Variants in DOP1B observed in about 807,000 individuals in gnomAD.
DOP1B encodes the protein DOP1 leucine zipper like protein B.
A neutral mutation model predicts 233.5 loss-of-function variants in DOP1B; 174 were observed. The ratio of observed to expected loss-of-function variants is 0.75; its 90% CI spans 0.66 to 0.85. DOP1B has a LOEUF of 0.85. Ranked by LOEUF, DOP1B falls within the 40% of genes least tolerant of loss-of-function variation. The pLI is 0.00. For missense variants in DOP1B, 2,652 were observed against 2,846.6 expected (o/e 0.93, Z 1.56); for synonymous variants, 1,190 against 1,185.6 (o/e 1.00, Z -0.08).
Position 36,223,226 on chromosome 21 carries a change from T to C in DOP1B, c.1251-5T>C. The stretch of plus-strand genomic sequence containing the variant: ...CATATTTATTCATGTCCTCCCCTTT[T>C]ACAGTGCAATCAAGGAAAACAGAAA... On this transcript the variant is annotated splice_region_variant and splice_polypyrimidine_tract_variant and intron_variant, in intron 10 of 36. Transcript: ENST00000691173. 1 of 1,591,136 alleles carries C rather than the reference T, an allele frequency of 6.3e-7. No individual in the cohort carries two copies. The highest frequency in any genetic ancestry group is 8.5e-7 in the Non-Finnish European group (1 of 1,173,502).
intron 1 of DOP1B, among the ~76,000 whole-genome samples, chr21:36,157,527 AC>A (rs2065830780): frequency 6.6e-6 from 1 of 152,102 alleles, no homozygotes; most frequent in Non-Finnish European, 1.5e-5. Context: ...GGGGACTGTT[AC>A]CCGCAGTGTT....
chr21:36,190,622 T>C (rs543744190), intron 2 of DOP1B, among the ~76,000 whole-genome samples: 81 of 152,262 alleles, frequency 5.3e-4, no homozygotes, highest in Non-Finnish European at 9.7e-4. Flanking sequence ...GATATCAAAC[T>C]CCTGACCTCA....
rs755210078 is a variant in DOP1B at position 36,237,304 on chromosome 21, C to G, written c.2665C>G (p.Arg889Gly). Residue 889 changes from arginine to glycine, a missense_variant, in exon 16 of 37, where the codon CGG becomes GGG. Around this residue, in one of 3 missense-constraint regions of DOP1B, gnomAD observed 2,617 missense variants for 2,794.3 expected, o/e 0.94. Coordinates refer to ENST00000691173, the MANE Select transcript of DOP1B (RefSeq NM_001320714.2). ...VLWNQLNKET[R>G]EHHVTCVELF... ...TTGGAATCAGCTGAACAAAGAGACC[C>G]GGGAGCATCACGTCACCTGCGTAGA... 1.2e-6 allele frequency: 2 copies of G among 1,614,040 alleles called. No homozygotes were observed. Among genetic ancestry groups the G allele is most frequent in the Non-Finnish European group, 8.5e-7 (1 of 1,180,044 alleles).
At chr21:36,293,048 A>C (rs747983361) in intron 36 of DOP1B, among the ~76,000 whole-genome samples, 1 of 152,068 alleles carries the variant, frequency 6.6e-6, no homozygotes, top group South Asian at 2.1e-4. Context: ...CTCTACAAAA[A>C]TACAAAAATT....
At chr21:36,208,608 G>C (rs2066456004) in intron 4 of DOP1B, 107 bp from the exon 5 acceptor site, 8 of 1,243,668 alleles carry the variant, frequency 6.4e-6, no homozygotes, top group Non-Finnish European at 8.8e-6. Flanking sequence ...GGCTTCCCCA[G>C]CCAGGCGAAT....
chr21:36,239,996 G>T (rs1486779704), intron 18 of DOP1B, 41 bp downstream of exon 18: 1 of 1,569,538 alleles, frequency 6.4e-7, no homozygotes, highest in Admixed American at 1.8e-5. Context: ...GGGAGGAATG[G>T]GTGGGGGGAC....
At position 36,228,872 on chromosome 21, in the gene DOP1B, G is replaced by C. The variant is rs117832543; in HGVS notation, c.1665+995G>C. On this transcript the variant is annotated intron_variant, in intron 13 of 36. Coordinates refer to ENST00000691173, the MANE Select transcript of DOP1B (RefSeq NM_001320714.2). ...TGTAGTTCCATCTACTCAGGAGGCT[G>C]AGGTGGGAGGATCGCTTGAGCCCAA... is the stretch of plus-strand genomic sequence containing the variant. Among the ~76,000 whole-genome samples the C allele has an allele frequency of 5.3e-4, 81 of 152,338 alleles. 1 individual carries two copies. The East Asian group carries it at 0.015, about 28-fold the overall frequency.
In DOP1B at chr21:36,199,080, G is replaced by A. The variant is rs1240518469; in HGVS notation, c.149G>A (p.Ser50Asn). The A allele has an allele frequency of 3.1e-6, 5 of 1,609,104 alleles. No individual in the cohort carries two copies. Among genetic ancestry groups the A allele is most frequent in the Non-Finnish European group, 4.2e-6 (5 of 1,178,620 alleles). The part of the protein sequence containing the change: ...SLGKLNKALQ[S>N]NLRYSLLPRR... ...TGTCTTGTTTGACAGGCTCTTCAGAGTAACCTGAGGTACTCCTTGTTGCCA... is the reference window on the plus strand; with the variant it reads ...TGTCTTGTTTGACAGGCTCTTCAGAATAACCTGAGGTACTCCTTGTTGCCA... Residue 50 changes from serine (S) to asparagine (N), a missense_variant, in exon 3 of 37, where the codon AGT (serine) becomes AAT (asparagine). Physicochemically the swap from Ser to Asn is conservative, Grantham distance 46. Around this residue, in one of 3 missense-constraint regions of DOP1B, gnomAD observed 2,617 missense variants for 2,794.3 expected, o/e 0.94. Transcript: ENST00000691173.
rs1364315383 is a variant in DOP1B at position 36,208,740 on chromosome 21, T to A, written c.517T>A (p.Ser173Thr). Residue 173 changes from serine to threonine, a missense_variant, in exon 5 of 37, where the codon TCG becomes ACG. Ser to Thr is a moderately conservative substitution (Grantham distance 58, BLOSUM62 1). This residue lies in a region of DOP1B where 2,617 missense variants were observed against 2,794.3 expected (regional missense o/e 0.94). Transcript: ENST00000691173. Reference sequence around the variant, plus strand: ...AACGGATGCTCTGCTCCTGAGACTGTCGCTGGTGGTTGGCAAAGAGGTGTT... The same window carrying A: ...AACGGATGCTCTGCTCCTGAGACTGACGCTGGTGGTTGGCAAAGAGGTGTT... ...DRTDALLLRL[S>T]LVVGKEVFYT... 4.3e-6 allele frequency: 7 copies of A among 1,613,524 alleles called. No homozygotes were observed. Among genetic ancestry groups the A allele is most frequent in the Non-Finnish European group, 5.9e-6 (7 of 1,179,812 alleles).
rs535321678 is a variant in DOP1B, at chr21:36,273,016, C to A, written c.5632+2859C>A. Among the ~76,000 whole-genome samples, 330 of 146,846 alleles carry A rather than the reference C, an allele frequency of 2.2e-3. 1 individual carries two copies. Among genetic ancestry groups the A allele is most frequent in the African/African-American group, 7.7e-3 (310 of 40,172 alleles). The stretch of plus-strand genomic sequence containing the variant: ...AAAAAAAAAAAAAAAAAGACCCCAT[C>A]TCTACAAAAGGGGAGGCAGAGGTTG... On this transcript the variant is annotated intron_variant, in intron 27 of 36. Transcript: ENST00000691173.
In DOP1B at chr21:36,200,314, C is replaced by T; in HGVS notation, c.321-17C>T. ...GTATCTTATTTCTGCCCCGCTCCCTCTCGTTCTTTCTCGAAGCTGCGGGTT... is the reference window on the plus strand; with the variant it reads ...GTATCTTATTTCTGCCCCGCTCCCTTTCGTTCTTTCTCGAAGCTGCGGGTT... On this transcript the variant is annotated splice_polypyrimidine_tract_variant and intron_variant, in intron 3 of 36. Coordinates refer to ENST00000691173, the MANE Select transcript of DOP1B (RefSeq NM_001320714.2). The T allele has an allele frequency of 6.4e-7, 1 of 1,573,884 alleles. No homozygotes were observed. Among genetic ancestry groups the T allele is most frequent in the Non-Finnish European group, 8.6e-7 (1 of 1,159,072 alleles).
Position 36,247,955 on chromosome 21 carries a change from A to G in DOP1B, c.4809+327A>G, listed in dbSNP as rs551646700. 1.1e-4 allele frequency among the ~76,000 whole-genome samples: 16 copies of G among 152,350 alleles called. No homozygotes were observed. In the South Asian group the frequency reaches 3.1e-3, roughly 30 times the overall value. On this transcript the variant is annotated intron_variant, in intron 20 of 36. Transcript: ENST00000691173. ...GTGCCAGCCCTTTGCCCATTGTTCCATCAGTAGCCTGTGAGATAACTTATA... is the reference window on the plus strand; with the variant it reads ...GTGCCAGCCCTTTGCCCATTGTTCCGTCAGTAGCCTGTGAGATAACTTATA...
At chr21:36,173,054 A>G (rs1482129663) in intron 2 of DOP1B, among the ~76,000 whole-genome samples, 1 of 151,866 alleles carries the variant, frequency 6.6e-6, no homozygotes, top group Non-Finnish European at 1.5e-5. Context: ...TGGGAGGCAG[A>G]GGTTGCAGTG....
At chr21:36,260,907 A>G in intron 24 of DOP1B, 175 bp downstream of exon 24, 2 of 1,427,694 alleles carry the variant, frequency 1.4e-6, no homozygotes, top group South Asian at 1.6e-5. Context: ...TTCCTTCTCC[A>G]GAGAGTTAAC....
chr21:36,234,689 C>T (rs868775453), intron 15 of DOP1B, among the ~76,000 whole-genome samples: 2 of 151,876 alleles, frequency 1.3e-5, no homozygotes, highest in African/African-American at 2.4e-5. Context: ...TACAGATGTG[C>T]GCCCTCACAC....
At chr21:36,264,933 G>A (rs1033438513) in intron 26 of DOP1B, among the ~76,000 whole-genome samples, 1 of 152,196 alleles carries the variant, frequency 6.6e-6, no homozygotes, top group Non-Finnish European at 1.5e-5. Flanking sequence ...TGATGAAGTT[G>A]GAAAAATCAC....
In DOP1B at chr21:36,288,011, T is replaced by G; in HGVS notation, c.6161-3T>G. 1 of 1,611,824 alleles carries G rather than the reference T, an allele frequency of 6.2e-7. No homozygotes were observed. The highest frequency in any genetic ancestry group is 8.5e-7 in the Non-Finnish European group (1 of 1,179,514). The stretch of plus-strand genomic sequence containing the variant: ...TAACATCTTTACAATCTTCTTTCCT[T>G]AGAACGCCTGACAGACAATCTCAGA... On this transcript the variant is annotated splice_region_variant and splice_polypyrimidine_tract_variant and intron_variant, in intron 32 of 36. Transcript: ENST00000691173.
chr21:36,274,081 G>A (rs2067323384), intron 27 of DOP1B, among the ~76,000 whole-genome samples: 1 of 152,036 alleles, frequency 6.6e-6, no homozygotes, highest in Non-Finnish European at 1.5e-5. Flanking sequence ...CTCAAAAAAA[G>A]AAAGAAAGCA....
intron 1 of DOP1B, among the ~76,000 whole-genome samples, chr21:36,158,815 A>AG (rs1555884747): frequency 5.0e-4 from 73 of 146,698 alleles, no homozygotes; most frequent in Non-Finnish European, 4.9e-4. Flanking sequence ...AAAAAAAAAA[A>AG]AAAGAAAAGA....
Sources: gnomAD v4.1 joint callset for allele counts (sites outside exome capture counted in the v4.1 genomes callset) on GRCh38, gnomAD v4.1.1 for gene constraint, gnomAD v4.1.1 regional missense constraint, MANE v1.5 for transcripts, NCBI Gene and HGNC (gene_info 2026-07-23, HGNC 2026-07-21) for gene names.